CBR3: variants seen among roughly 807,000 people sequenced by gnomAD.
CBR3 encodes carbonyl reductase [NADPH] 3.
CBR3 carries 14 observed loss-of-function variants against 11.6 expected under a neutral mutation model. That is an observed-to-expected ratio of 1.20 (90% CI 0.79 to 1.88). CBR3 has a LOEUF of 1.88. CBR3 is among the 40% of genes most tolerant of loss of function. The probability of loss-of-function intolerance (pLI) is 0.00; values close to 1 mark genes in which losing one functional copy is unlikely to be tolerated. For missense variants in CBR3, 308 were observed against 357.3 expected (o/e 0.86, Z 1.11); for synonymous variants, 125 against 145.6 (o/e 0.86, Z 1.02).
At chr21:36,137,552 AAG>A (rs2065671044) in intron 1 of CBR3, among the ~76,000 whole-genome samples, 1 of 132,364 alleles carries the variant, frequency 7.6e-6, no homozygotes, top group African/African-American at 3.0e-5. Flanking sequence ...GGAAGGAAGG[AAG>A]GAAGGAAAGA....
intron 2 of CBR3, 96 bp downstream of exon 2, chr21:36,138,028 G>T: frequency 2.9e-6 from 2 of 694,224 alleles, no homozygotes; most frequent in Admixed American, 2.2e-5. Context: ...ATCACTCAGG[G>T]GTGCTATTTC....
rs771994596 is a variant in CBR3 at position 36,135,323 on chromosome 21, A to C, written c.131A>C (p.Gln44Pro). The C allele has an allele frequency of 1.2e-6, 2 of 1,611,316 alleles. No individual in the cohort carries two copies. The highest frequency in any genetic ancestry group is 1.7e-6 in the Non-Finnish European group (2 of 1,179,140). ...ACCGCGCGGGACGTGGCGCGGGGCC[A>C]GGCGGCCGTGCAGCAGCTGCAGGCG... ...VLTARDVARGQAAVQQLQAEG... is the reference protein window; with the variant it reads ...VLTARDVARGPAAVQQLQAEG... Residue 44 changes from glutamine (Q) to proline (P), a missense_variant, in exon 1 of 3, where the codon CAG (glutamine) becomes CCG (proline). Coordinates refer to ENST00000290354, the MANE Select transcript of CBR3 (RefSeq NM_001236.4).
intron 2 of CBR3, among the ~76,000 whole-genome samples, chr21:36,142,436 A>AAAAAAAACAAAAAC (rs2065718904): frequency 8.4e-6 from 1 of 119,628 alleles, no homozygotes; most frequent in Non-Finnish European, 1.7e-5. Context: ...CATCTCAAAA[A>AAAAAAAACAAAAAC]AAAAAAAAAA....
At chr21:36,143,033 G>A (rs1045652965) in intron 2 of CBR3, among the ~76,000 whole-genome samples, 4 of 152,082 alleles carry the variant, frequency 2.6e-5, no homozygotes, top group South Asian at 2.1e-4. Flanking sequence ...GGCCAGGTGC[G>A]GTGGCTCATG....
chr21:36,139,281 T>C lies in CBR3; in HGVS notation c.397+1349T>C, dbSNP rs182602692. On this transcript the variant is annotated intron_variant, in intron 2 of 2. Transcript: ENST00000290354. ...CTGAAGTGTGAAATGACAGCTGTGC[T>C]GGGGTACAGGGAAGCTTGCTTCCTT... Among the ~76,000 whole-genome samples, 5 of 152,130 alleles carry C rather than the reference T, an allele frequency of 3.3e-5. No homozygotes were observed. The East Asian group carries it at 9.7e-4, about 29-fold the overall frequency.
In CBR3 at chr21:36,146,156, A is replaced by G. The variant is rs754654354; in HGVS notation, c.478A>G (p.Ser160Gly). The change falls in exon 3 of 3, where the codon AGT (serine) becomes GGT (glycine). Residue 160 changes from serine (S) to glycine (G), a missense_variant. Physicochemically the swap from Ser to Gly is moderately conservative, Grantham distance 56 (BLOSUM62 0). Coordinates refer to ENST00000290354, the MANE Select transcript of CBR3 (RefSeq NM_001236.4). ...TGAAGATCTGCAGGAAAGGTTCCAC[A>G]GTGAGACACTCACAGAAGGAGACCT... ...CSEDLQERFH[S>G]ETLTEGDLVD... The G allele has an allele frequency of 2.5e-6, 4 of 1,613,900 alleles. No homozygotes were observed. Among genetic ancestry groups the G allele is most frequent in the Non-Finnish European group, 2.5e-6 (3 of 1,179,888 alleles).
In CBR3 at chr21:36,135,430, G is replaced by C. The variant is rs1458002018; in HGVS notation, c.238G>C (p.Glu80Gln). ...IRALRDFLRK[E>Q]YGGLNVLVNN... Reference sequence around the variant, plus strand: ...CGCCCTGCGCGACTTCCTGCGCAAGGAGTACGGGGGGCTCAACGTACTGGT... The same window carrying C: ...CGCCCTGCGCGACTTCCTGCGCAAGCAGTACGGGGGGCTCAACGTACTGGT... Residue 80 changes from glutamate (E) to glutamine (Q), a missense_variant, in exon 1 of 3, where the codon GAG (glutamate) becomes CAG (glutamine). Glu to Gln is a conservative substitution (Grantham distance 29). Coordinates refer to ENST00000290354, the MANE Select transcript of CBR3 (RefSeq NM_001236.4). The C allele has an allele frequency of 6.2e-7, 1 of 1,613,648 alleles. No homozygotes were observed. The highest frequency in any genetic ancestry group is 2.2e-5 in the East Asian group (1 of 44,858).
At chr21:36,142,439 A>AAAAAAAAACAAACAAACAAAC (rs1555883291) in intron 2 of CBR3, among the ~76,000 whole-genome samples, 5 of 147,646 alleles carry the variant, frequency 3.4e-5, no homozygotes, top group African/African-American at 1.3e-4. Flanking sequence ...CTCAAAAAAA[A>AAAAAAAAACAAACAAACAAAC]AAAAAAAAAC....
chr21:36,137,812 C>T lies in CBR3; in HGVS notation c.290-13C>T, dbSNP rs2065673561. The T allele has an allele frequency of 6.7e-7, 1 of 1,492,034 alleles. No homozygotes were observed. The highest frequency in any genetic ancestry group is 1.7e-5 in the Admixed American group (1 of 58,996). The allele number at this position is 1,492,034 out of a possible 1,614,324, so 92.4% of individuals were successfully genotyped here. A position where few individuals can be genotyped will look rare whatever the true frequency, so the allele number is the denominator to read the frequency against. On this transcript the variant is annotated splice_polypyrimidine_tract_variant and intron_variant, in intron 1 of 2. Coordinates refer to ENST00000290354, the MANE Select transcript of CBR3 (RefSeq NM_001236.4). ...AATATGACTTTCTTTTTGTTTCTTT[C>T]TCTTTTTGAAAGGTGATGATCCAAT...
At chr21:36,142,630 A>C (rs1349203161) in intron 2 of CBR3, among the ~76,000 whole-genome samples, 1 of 152,098 alleles carries the variant, frequency 6.6e-6, no homozygotes, top group Non-Finnish European at 1.5e-5. Flanking sequence ...CCTTGCTACC[A>C]TATATAATAC....
rs755406434 is a variant in CBR3 at position 36,138,241 on chromosome 21, G to A, written c.397+309G>A. 2.4e-5 allele frequency: 5 copies of A among 206,310 alleles called. No homozygotes were observed. The East Asian group carries it at 3.5e-4, about 15-fold the overall frequency. 12.8% of individuals were successfully genotyped at this position (206,310 alleles called of 1,614,324 possible). On this transcript the variant is annotated intron_variant, in intron 2 of 2. Transcript: ENST00000290354. ...TGGCTCACTGCAACCTCCACCTCCC[G>A]GGGTCAAGCAATTCTCCTGCCTCAG...
intron 2 of CBR3, among the ~76,000 whole-genome samples, chr21:36,142,463 C>T (rs1422970312): frequency 7.9e-6 from 1 of 127,010 alleles, no homozygotes. Context: ...ATCCATGATC[C>T]TACTTTGGAC....
intron 2 of CBR3, chr21:36,138,635 A>G (rs947744136): frequency 6.6e-6 from 1 of 151,784 alleles, no homozygotes; most frequent in African/African-American, 2.4e-5. Flanking sequence ...GGACCTTGGT[A>G]TCTGTTTTAG....
At chr21:36,137,027 C>CAAAAAAAAA (rs58754125) in intron 1 of CBR3, 22 of 98,148 alleles carry the variant, frequency 2.2e-4, no homozygotes, top group African/African-American at 9.3e-4. Context: ...GACTCTGCCT[C>CAAAAAAAAA]AAAAAAAAAA....
rs140905947 is a variant in CBR3 at position 36,137,675 on chromosome 21, A to G, written c.290-150A>G. The stretch of plus-strand genomic sequence containing the variant: ...TCTACAAGTGATTCGGATGCAGACT[A>G]AAGTTTGAGAATCACCGACCTCGTT... On this transcript the variant is annotated intron_variant, in intron 1 of 2. Transcript: ENST00000290354. 7.6e-4 allele frequency: 459 copies of G among 602,660 alleles called. 4 individuals carry two copies. In the East Asian group the frequency reaches 0.013, roughly 17 times the overall value. 37.3% of individuals were successfully genotyped at this position (602,660 alleles called of 1,614,324 possible). A position where few individuals can be genotyped will look rare whatever the true frequency, so the allele number is the denominator to read the frequency against.
chr21:36,138,082 G>A (rs1265597902), intron 2 of CBR3, 150 bp downstream of exon 2: 3 of 611,938 alleles, frequency 4.9e-6, no homozygotes, highest in Non-Finnish European at 8.9e-6. Flanking sequence ...TTCCCACAGT[G>A]TTTGGCTTCT....
intron 2 of CBR3, among the ~76,000 whole-genome samples, chr21:36,140,031 C>T (rs911295563): frequency 1.3e-5 from 2 of 151,842 alleles, no homozygotes; most frequent in Non-Finnish European, 1.5e-5. Context: ...GGTTTACAGG[C>T]GAGCACCACC....
chr21:36,139,934 CTG>C (rs2065696006), intron 2 of CBR3, among the ~76,000 whole-genome samples: 1 of 130,734 alleles, frequency 7.6e-6, no homozygotes, highest in Non-Finnish European at 1.6e-5. Context: ...GTCGCCCAGA[CTG>C]GAGTGCAGTG....
chr21:36,141,986 A>T, intron 2 of CBR3: 7 of 892,206 alleles, frequency 7.8e-6, no homozygotes, highest in Non-Finnish European at 9.4e-6. Context: ...TCACTGATGT[A>T]GTATTCCTGG....
Sources: gnomAD v4.1 joint callset for allele counts (sites outside exome capture counted in the v4.1 genomes callset) on GRCh38, gnomAD v4.1.1 for gene constraint, MANE v1.5 for transcripts, NCBI Gene and HGNC (gene_info 2026-07-23, HGNC 2026-07-21) for gene names.